TAFA5: variants seen among roughly 807,000 people sequenced by gnomAD.
TAFA5 encodes chemokine-like protein TAFA-5.
Under a neutral mutation model 15.3 loss-of-function variants are expected in TAFA5, and 6 were observed. That is an observed-to-expected ratio of 0.39 (90% CI 0.21 to 0.77). The LOEUF is 0.77. TAFA5 is among the 30% of genes least tolerant of loss of function. TAFA5 has a pLI of 0.41. For synonymous variants in TAFA5, 103 were observed against 80.7 expected, an observed-to-expected ratio of 1.28 and a Z score of -1.48; for missense variants, 161 against 193.1, an observed-to-expected ratio of 0.83 and a Z score of 0.98.
At chr22:48,744,549 A>T (rs2147276349) in intron 3 of TAFA5, among the ~76,000 whole-genome samples, 1 of 152,222 alleles carries the variant, frequency 6.6e-6, no homozygotes. Flanking sequence ...TCAGCCCTGC[A>T]GCCTTGGGGA....
intron 1 of TAFA5, among the ~76,000 whole-genome samples, chr22:48,643,542 T>A (rs9628510): frequency 6.6e-6 from 1 of 152,098 alleles, no homozygotes; most frequent in African/African-American, 2.4e-5. Context: ...AGAGGAGGAG[T>A]CCAGCTAGGA....
chr22:48,621,375 A>C (rs1401992639), intron 1 of TAFA5, among the ~76,000 whole-genome samples: 2 of 151,598 alleles, frequency 1.3e-5, no homozygotes, highest in Non-Finnish European at 2.9e-5. Flanking sequence ...CCACCCATCC[A>C]TTCATCCATT....
intron 1 of TAFA5, among the ~76,000 whole-genome samples, chr22:48,580,787 G>A (rs1054213986): frequency 2.6e-5 from 4 of 152,236 alleles, no homozygotes; most frequent in Non-Finnish European, 5.9e-5. Flanking sequence ...GCTTGGAGCT[G>A]GCTGCTCATT....
At chr22:48,610,257 T>C (rs1339493409) in intron 1 of TAFA5, among the ~76,000 whole-genome samples, 1 of 152,132 alleles carries the variant, frequency 6.6e-6, no homozygotes, top group Non-Finnish European at 1.5e-5. Context: ...GGCCGGAGGC[T>C]GCATCCCAGC....
intron 2 of TAFA5, among the ~76,000 whole-genome samples, chr22:48,689,779 T>C (rs1928480333): frequency 6.6e-6 from 1 of 152,132 alleles, no homozygotes; most frequent in Non-Finnish European, 1.5e-5. Context: ...CTGGTATCAT[T>C]GGCATAACAG....
intron 1 of TAFA5, among the ~76,000 whole-genome samples, chr22:48,580,804 T>C (rs1041643589): frequency 6.6e-6 from 1 of 152,216 alleles, no homozygotes; most frequent in African/African-American, 2.4e-5. Flanking sequence ...CATTTCTCCC[T>C]GAGTCTCAGA....
intron 3 of TAFA5, among the ~76,000 whole-genome samples, 152 bp from the exon 4 acceptor site, chr22:48,749,687 A>G (rs1360184679): frequency 6.6e-6 from 1 of 152,076 alleles, no homozygotes; most frequent in Non-Finnish European, 1.5e-5. Flanking sequence ...GGTGGCCTGG[A>G]TGTCCCTCAC....
chr22:48,541,074 G>T (rs1429626477), intron 1 of TAFA5, among the ~76,000 whole-genome samples: 2 of 152,102 alleles, frequency 1.3e-5, no homozygotes. Flanking sequence ...TCAGGGCTGG[G>T]AGTGAAGCCC....
At chr22:48,669,331 G>T (rs1040531729) in intron 2 of TAFA5, among the ~76,000 whole-genome samples, 2 of 152,252 alleles carry the variant, frequency 1.3e-5, no homozygotes, top group Non-Finnish European at 2.9e-5. Flanking sequence ...AGCTTCGCCT[G>T]CAGGGAAACC....
chr22:48,534,402 A>G (rs1922080044), intron 1 of TAFA5, among the ~76,000 whole-genome samples: 1 of 152,130 alleles, frequency 6.6e-6, no homozygotes, highest in Non-Finnish European at 1.5e-5. Flanking sequence ...GGGGGTCTGC[A>G]GAGGACTCCC....
intron 2 of TAFA5, among the ~76,000 whole-genome samples, chr22:48,653,850 G>A (rs548974452): frequency 2.0e-5 from 3 of 152,164 alleles, no homozygotes; most frequent in African/African-American, 7.2e-5. Flanking sequence ...CAGCATTCAC[G>A]GGCACTACGT....
chr22:48,579,315 G>A (rs778985915), intron 1 of TAFA5, among the ~76,000 whole-genome samples: 2 of 152,250 alleles, frequency 1.3e-5, no homozygotes, highest in Non-Finnish European at 2.9e-5. Context: ...GGGCCGCAGC[G>A]TGGGGTCCGG....
At chr22:48,652,776 C>A (rs1927099030) in intron 2 of TAFA5, among the ~76,000 whole-genome samples, 1 of 152,352 alleles carries the variant, frequency 6.6e-6, no homozygotes, top group South Asian at 2.1e-4. Context: ...GCGACGGAGA[C>A]CAGCTGGGTA....
intron 2 of TAFA5, among the ~76,000 whole-genome samples, chr22:48,652,111 A>G (rs1346496227): frequency 2.0e-5 from 3 of 152,358 alleles, no homozygotes; most frequent in Admixed American, 6.5e-5. Flanking sequence ...ACAGCGCGTC[A>G]TCTCCACCTC....
intron 1 of TAFA5, among the ~76,000 whole-genome samples, chr22:48,581,677 A>G (rs1489596073): frequency 6.6e-6 from 1 of 152,134 alleles, no homozygotes; most frequent in Non-Finnish European, 1.5e-5. Context: ...TGACATGTTC[A>G]TGTGTGTGCA....
intron 3 of TAFA5, among the ~76,000 whole-genome samples, chr22:48,744,022 G>C (rs775958151): frequency 2.6e-5 from 4 of 152,220 alleles, no homozygotes; most frequent in Non-Finnish European, 5.9e-5. Flanking sequence ...GGCTGGGTTT[G>C]CCGTCGGGGA....
At chr22:48,575,905 T>C (rs900364646) in intron 1 of TAFA5, among the ~76,000 whole-genome samples, 1 of 136,862 alleles carries the variant, frequency 7.3e-6, no homozygotes, top group Non-Finnish European at 1.6e-5. Flanking sequence ...GGCGGCCCCC[T>C]GAGCCCCGGG....
intron 1 of TAFA5, among the ~76,000 whole-genome samples, chr22:48,621,835 G>A (rs920544981): frequency 1.3e-5 from 2 of 152,178 alleles, no homozygotes; most frequent in Non-Finnish European, 2.9e-5. Context: ...TCTCAGTGTC[G>A]CTGGGGATGG....
At chr22:48,716,198 C>T (rs1207012214) in intron 3 of TAFA5, among the ~76,000 whole-genome samples, 2 of 152,086 alleles carry the variant, frequency 1.3e-5, no homozygotes, top group African/African-American at 4.8e-5. Context: ...CAGCTTTGTT[C>T]TTTCTGCCTA....
Sources: allele counts gnomAD v4.1 joint callset (sites outside exome capture counted in the v4.1 genomes callset), GRCh38; gene constraint gnomAD v4.1.1; transcripts MANE v1.5; gene names NCBI Gene and HGNC (gene_info 2026-07-23, HGNC 2026-07-21).